IGFL2: variants seen among roughly 807,000 people sequenced by gnomAD.
IGFL2 encodes the protein insulin growth factor-like family member 2.
Under a neutral mutation model 13.9 loss-of-function variants are expected in IGFL2, and 7 were observed. The observed-to-expected ratio is 0.51, with a 90% CI of 0.29 to 0.95. The LOEUF (loss-of-function observed/expected upper bound fraction) is 0.95, where lower values mean the gene tolerates loss of function less well. Ranked by LOEUF, IGFL2 falls within the 40% of genes least tolerant of loss-of-function variation. The pLI, the probability that IGFL2 is intolerant of heterozygous loss-of-function variation, is 0.08. For synonymous variants in IGFL2, 55 were observed against 55.8 expected, an observed-to-expected ratio of 0.99 and a Z score of 0.07; for missense variants, 138 against 147.8, an observed-to-expected ratio of 0.93 and a Z score of 0.34.
the IGFL2 span, among the ~76,000 whole-genome samples, chr19:46,084,307 T>G: frequency 9.2e-5 from 14 of 152,192 alleles, no homozygotes; most frequent in Non-Finnish European, 1.5e-5. Flanking sequence ...TTAAGTTCAT[T>G]TGGTCTAGAG....
the IGFL2 span, among the ~76,000 whole-genome samples, chr19:46,104,291 C>G: frequency 5.6e-3 from 859 of 152,270 alleles, 13 homozygotes; most frequent in African/African-American, 0.019. Context: ...GGTAAAAGTA[C>G]TGTCCAGTCC....
the IGFL2 span, among the ~76,000 whole-genome samples, chr19:46,200,473 C>CCTTCTCTTTTCTTTT: frequency 7.4e-6 from 1 of 134,278 alleles, no homozygotes; most frequent in East Asian, 2.2e-4. Context: ...CACACCTGGC[C>CCTTCTCTTTTCTTTT]CTTTTCTTTT....
chr19:46,136,958 C>A, the IGFL2 span: 1 of 1,364,192 alleles, frequency 7.3e-7, no homozygotes. Context: ...TGGCTGCTAC[C>A]TGCTGTATAT....
At chr19:46,110,399 G>A in the IGFL2 span, among the ~76,000 whole-genome samples, 2 of 152,080 alleles carry the variant, frequency 1.3e-5, no homozygotes, top group Non-Finnish European at 2.9e-5. Flanking sequence ...TGCCTTTTTT[G>A]GCTGAGGATG....
intron 1 of IGFL2, chr19:46,159,441 T>G (rs2146881927): frequency 6.6e-6 from 1 of 152,344 alleles, no homozygotes; most frequent in South Asian, 2.1e-4. Context: ...CTCTCTGATA[T>G]GGAGTAGCCC....
the IGFL2 span, among the ~76,000 whole-genome samples, chr19:46,182,365 TAAAAAAA>T: frequency 2.5e-5 from 2 of 78,690 alleles, no homozygotes; most frequent in Admixed American, 1.4e-4. Context: ...AGACTTTGCC[TAAAAAAA>T]AAAAAAAAAA....
the IGFL2 span, among the ~76,000 whole-genome samples, chr19:46,093,606 T>G: frequency 6.6e-6 from 1 of 152,192 alleles, no homozygotes; most frequent in Non-Finnish European, 1.5e-5. Flanking sequence ...AACTGTCTAT[T>G]TACAGACATT....
At chr19:46,120,155 C>T in the IGFL2 span, 1 of 797,952 alleles carries the variant, frequency 1.3e-6, no homozygotes, top group South Asian at 2.0e-5. Flanking sequence ...AGCAGGAAGG[C>T]ATTCTTCCCC....
the IGFL2 span, among the ~76,000 whole-genome samples, chr19:46,185,100 T>C: frequency 6.6e-6 from 1 of 152,058 alleles, no homozygotes; most frequent in South Asian, 2.1e-4. Context: ...GGGTTTTTGG[T>C]TTTTTTTCTT....
At chr19:46,175,312 A>T in the IGFL2 span, among the ~76,000 whole-genome samples, 1 of 152,180 alleles carries the variant, frequency 6.6e-6, no homozygotes, top group African/African-American at 2.4e-5. Context: ...GAGGTTAAGC[A>T]GCTGACTCAG....
chr19:46,094,319 G>T, the IGFL2 span, among the ~76,000 whole-genome samples: 1 of 151,880 alleles, frequency 6.6e-6, no homozygotes, highest in Admixed American at 6.6e-5. Context: ...TCAAAAGTAA[G>T]AAAACTTATT....
At chr19:46,104,767 T>G in the IGFL2 span, among the ~76,000 whole-genome samples, 1 of 152,186 alleles carries the variant, frequency 6.6e-6, no homozygotes, top group African/African-American at 2.4e-5. Context: ...TGAGGATAGA[T>G]TTCCACGATG....
chr19:46,172,391 A>G, the IGFL2 span, among the ~76,000 whole-genome samples: 1 of 152,222 alleles, frequency 6.6e-6, no homozygotes, highest in Admixed American at 6.5e-5. Flanking sequence ...GAGGGAATGT[A>G]TACTTCATGA....
chr19:46,160,209 C>T, intron 1 of IGFL2: 3 of 580,804 alleles, frequency 5.2e-6, no homozygotes, highest in Non-Finnish European at 6.2e-6. Context: ...CCTGCATTCT[C>T]TTTCCTAGAA....
chr19:46,167,590 C>G, the IGFL2 span, among the ~76,000 whole-genome samples: 1 of 152,140 alleles, frequency 6.6e-6, no homozygotes, highest in Non-Finnish European at 1.5e-5. Flanking sequence ...GGGACCAGGG[C>G]TCACACTTTA....
chr19:46,149,214 C>CTTT lies in IGFL2; in HGVS notation c.19+918_19+919insTTT, dbSNP rs1159245880. ...TCTCTCTCCCTCTCTTTCTCTCTCC[C>CTTT]TCTCTTTTCTCTCTCTCCCTTTTCT... is the stretch of plus-strand genomic sequence containing the variant. On this transcript the variant is annotated intron_variant, in intron 1 of 3. Transcript: ENST00000377693. Among the ~76,000 whole-genome samples, 99 of 150,290 alleles carry CTTT rather than the reference C, an allele frequency of 6.6e-4. 1 individual carries two copies. In the Middle Eastern group the frequency reaches 0.014, roughly 21 times the overall value.
Position 46,160,827 on chromosome 19 carries a change from T to G in IGFL2, c.287T>G (p.Val96Gly). 6.2e-7 allele frequency: 1 copy of G among 1,613,918 alleles called. No homozygotes were observed. The highest frequency in any genetic ancestry group is 8.5e-7 in the Non-Finnish European group (1 of 1,179,890). ...LTNDFVVKLK[V>G]QGVNSQCHSS... ...AACGATTTTGTTGTGAAGCTGAAGG[T>G]TCAGGGTGTGAATTCCCAGTGCCAC... The change falls in exon 3 of 4, where the codon GTT becomes GGT. Residue 96 changes from valine to glycine, a missense_variant. Transcript: ENST00000377693.
chr19:46,093,183 T>C, the IGFL2 span, among the ~76,000 whole-genome samples: 1 of 152,182 alleles, frequency 6.6e-6, no homozygotes, highest in African/African-American at 2.4e-5. Context: ...ATATTTGAAA[T>C]AGTTGGACAC....
the IGFL2 span, among the ~76,000 whole-genome samples, chr19:46,118,094 A>T: frequency 6.6e-6 from 1 of 152,340 alleles, no homozygotes; most frequent in East Asian, 1.9e-4. Flanking sequence ...TAAACAAGGT[A>T]AACAGGAGGC....
Sources: gnomAD v4.1 joint callset for allele counts (sites outside exome capture counted in the v4.1 genomes callset) on GRCh38, gnomAD v4.1.1 for gene constraint, MANE v1.5 for transcripts, NCBI Gene and HGNC (gene_info 2026-07-23, HGNC 2026-07-21) for gene names.